Variants in WWOX observed in about 807,000 individuals in gnomAD.
WWOX encodes WW domain containing oxidoreductase.
Under a neutral mutation model 46.2 loss-of-function variants are expected in WWOX, and 69 were observed. The ratio of observed to expected loss-of-function variants is 1.49; its 90% CI spans 1.23 to 1.82. The LOEUF is 1.82. WWOX is among the 40% of genes most tolerant of loss of function. The pLI is 0.00. For synonymous variants in WWOX, 359 were observed against 202.6 expected (o/e 1.77, Z -6.56); for missense variants, 919 against 542.6 (o/e 1.69, Z -6.89).
intron 8 of WWOX, among the ~76,000 whole-genome samples, chr16:78,728,316 C>T (rs554210216): frequency 2.1e-4 from 32 of 152,136 alleles, no homozygotes; most frequent in African/African-American, 5.5e-4. Flanking sequence ...GCGATTCTCC[C>T]GCCTTGGCCT....
At chr16:78,131,370 C>T (rs1257079664) in intron 4 of WWOX, among the ~76,000 whole-genome samples, 1 of 152,022 alleles carries the variant, frequency 6.6e-6, no homozygotes, top group Non-Finnish European at 1.5e-5. Context: ...CACCACCATT[C>T]CTGGCTAATT....
intron 8 of WWOX, among the ~76,000 whole-genome samples, chr16:78,887,484 C>G (rs1246416130): frequency 7.1e-6 from 1 of 140,178 alleles, no homozygotes; most frequent in Admixed American, 6.9e-5. Flanking sequence ...CACACACACA[C>G]ACACACACAC....
At chr16:78,663,472 T>A (rs2047263312) in intron 8 of WWOX, among the ~76,000 whole-genome samples, 1 of 152,242 alleles carries the variant, frequency 6.6e-6, no homozygotes, top group East Asian at 1.9e-4. Context: ...TACTGCGATA[T>A]GAACATCTGG....
chr16:78,580,956 T>A (rs977637050), intron 8 of WWOX, among the ~76,000 whole-genome samples: 1 of 152,318 alleles, frequency 6.6e-6, no homozygotes, highest in South Asian at 2.1e-4. Context: ...TGTGAACCCT[T>A]CGCAAAGAGT....
intron 5 of WWOX, among the ~76,000 whole-genome samples, chr16:78,320,125 C>G (rs112384765): frequency 2.6e-5 from 4 of 152,174 alleles, no homozygotes; most frequent in Admixed American, 2.0e-4. Flanking sequence ...TAGCTTTACT[C>G]AATGTTTTCT....
At chr16:78,809,179 A>C (rs893460564) in intron 8 of WWOX, among the ~76,000 whole-genome samples, 1 of 152,034 alleles carries the variant, frequency 6.6e-6, no homozygotes, top group Non-Finnish European at 1.5e-5. Flanking sequence ...AACTTGTGCA[A>C]ATGTTTCTCC....
intron 8 of WWOX, among the ~76,000 whole-genome samples, chr16:79,136,227 ACTT>A (rs994642684): frequency 1.5e-4 from 22 of 149,246 alleles, no homozygotes; most frequent in Admixed American, 3.3e-4. Flanking sequence ...TACTGATGTC[ACTT>A]CTTCTTTTTT....
chr16:78,508,040 C>G (rs1485982529), intron 8 of WWOX, among the ~76,000 whole-genome samples: 4 of 151,160 alleles, frequency 2.6e-5, no homozygotes, highest in Non-Finnish European at 5.9e-5. Flanking sequence ...CGGAGTCTTG[C>G]TCTGTCACTC....
chr16:78,631,207 C>G (rs1416838199), intron 8 of WWOX, among the ~76,000 whole-genome samples: 1 of 152,140 alleles, frequency 6.6e-6, no homozygotes, highest in South Asian at 2.1e-4. Context: ...TGAGGGACAA[C>G]TGTACAAATC....
At chr16:78,632,576 T>TTTTTTG (rs1420961621) in intron 8 of WWOX, among the ~76,000 whole-genome samples, 7 of 146,874 alleles carry the variant, frequency 4.8e-5, no homozygotes, top group Non-Finnish European at 9.0e-5. Context: ...TTTTTTTTTT[T>TTTTTTG]TTGGTGGAGT....
chr16:78,934,716 G>A (rs2045699866), intron 8 of WWOX, among the ~76,000 whole-genome samples: 1 of 152,014 alleles, frequency 6.6e-6, no homozygotes, highest in Admixed American at 6.6e-5. Flanking sequence ...TTTGACAGTG[G>A]GGCCACAGCA....
rs980836824 is a variant in WWOX, at chr16:78,758,387, G to A, written c.1056+325635G>A. Among the ~76,000 whole-genome samples, 24 of 152,282 alleles carry A rather than the reference G, an allele frequency of 1.6e-4. 1 individual carries two copies. Among genetic ancestry groups the A allele is most frequent in the East Asian group, 1.4e-3 (7 of 5,178 alleles). On this transcript the variant is annotated intron_variant, in intron 8 of 8. Coordinates refer to ENST00000566780, the MANE Select transcript of WWOX (RefSeq NM_016373.4). Reference sequence around the variant, plus strand: ...GTAGATTAATTGGGCAAGACAAAGGGAATAATAACTATGTCACCAAAATTA... The same window carrying A: ...GTAGATTAATTGGGCAAGACAAAGGAAATAATAACTATGTCACCAAAATTA...
chr16:78,110,283 T>C (rs891460792), intron 3 of WWOX, among the ~76,000 whole-genome samples: 2 of 138,372 alleles, frequency 1.4e-5, no homozygotes, highest in Admixed American at 1.7e-4. Flanking sequence ...GAAGTTGCAG[T>C]GAGCTGAGAT....
At chr16:78,253,883 T>A (rs1438513744) in intron 5 of WWOX, among the ~76,000 whole-genome samples, 1 of 152,074 alleles carries the variant, frequency 6.6e-6, no homozygotes, top group African/African-American at 2.4e-5. Context: ...CGGCATACAC[T>A]TCCCACCTCC....
intron 8 of WWOX, among the ~76,000 whole-genome samples, chr16:79,089,309 A>G (rs2048910068): frequency 6.7e-6 from 1 of 149,156 alleles, no homozygotes; most frequent in African/African-American, 2.5e-5. Context: ...AATTAGCGTC[A>G]TCATGAACGT....
At chr16:79,014,742 C>T (rs2047379345) in intron 8 of WWOX, among the ~76,000 whole-genome samples, 1 of 152,218 alleles carries the variant, frequency 6.6e-6, no homozygotes, top group Admixed American at 6.5e-5. Context: ...GGAGTGTACA[C>T]AACTAGTAAG....
intron 5 of WWOX, among the ~76,000 whole-genome samples, chr16:78,332,678 G>A (rs1214384767): frequency 1.3e-5 from 2 of 152,122 alleles, no homozygotes; most frequent in African/African-American, 4.8e-5. Flanking sequence ...GATAATCTGA[G>A]AGTTGCCCAA....
chr16:78,933,726 A>G (rs1374974481), intron 8 of WWOX, among the ~76,000 whole-genome samples: 2 of 151,894 alleles, frequency 1.3e-5, no homozygotes, highest in African/African-American at 4.8e-5. Flanking sequence ...GTTTTTTAAA[A>G]CTATCTGATC....
chr16:78,155,647 A>G (rs554537284), intron 4 of WWOX, among the ~76,000 whole-genome samples: 2 of 152,222 alleles, frequency 1.3e-5, no homozygotes, highest in Non-Finnish European at 2.9e-5. Context: ...TGCCATCTCC[A>G]TGCAGTTAAG....
Sources: allele counts gnomAD v4.1 joint callset (sites outside exome capture counted in the v4.1 genomes callset), GRCh38; gene constraint gnomAD v4.1.1; transcripts MANE v1.5; gene names NCBI Gene and HGNC (gene_info 2026-07-23, HGNC 2026-07-21).